Variants in WDFY4 observed in about 807,000 individuals in gnomAD.
WDFY4 encodes WD repeat- and FYVE domain-containing protein 4.
In WDFY4, 169 loss-of-function variants were observed where a neutral mutation model predicts 351.9. The observed-to-expected ratio is 0.48, with a 90% confidence interval of 0.42 to 0.55. The LOEUF is 0.55. Among genes scored for constraint, WDFY4 ranks in the 20% least tolerant of loss-of-function variants. The pLI, the probability that WDFY4 is intolerant of heterozygous loss-of-function variation, is 0.00. For synonymous variants in WDFY4, 1,622 were observed against 1,574.6 expected (o/e 1.03, Z -0.71); for missense variants, 3,803 against 3,935.6 (o/e 0.97, Z 0.90).
chr10:48,825,557 C>A (rs1293224094), intron 35 of WDFY4, among the ~76,000 whole-genome samples: 1 of 152,174 alleles, frequency 6.6e-6, no homozygotes, highest in African/African-American at 2.4e-5. Context: ...GATGGTTGAA[C>A]AAATTTACAT....
chr10:48,976,280 G>T (rs185178645), intron 58 of WDFY4, among the ~76,000 whole-genome samples: 1 of 152,376 alleles, frequency 6.6e-6, no homozygotes, highest in African/African-American at 2.4e-5. Context: ...AGACTCAAAT[G>T]TGAGCATATC....
chr10:48,869,882 A>G (rs2133265364), intron 40 of WDFY4, among the ~76,000 whole-genome samples: 1 of 152,262 alleles, frequency 6.6e-6, no homozygotes, highest in South Asian at 2.1e-4. Context: ...TCGAGTATTT[A>G]TCACAGCTCT....
Position 48,753,036 on chromosome 10 carries a change from C to A in WDFY4, c.2460-7311C>A, listed in dbSNP as rs965095383. On this transcript the variant is annotated intron_variant, in intron 12 of 61. Coordinates refer to ENST00000325239, the MANE Select transcript of WDFY4 (RefSeq NM_001394531.1). ...TCCACAGGCTTGCCAATATTTATTT[C>A]CCTTTAAAAAATTTTTTAGCCATTC... 7.2e-5 allele frequency among the ~76,000 whole-genome samples: 11 copies of A among 151,850 alleles called. No individual in the cohort carries two copies. In the East Asian group the frequency reaches 2.1e-3, roughly 29 times the overall value.
chr10:48,764,925 G>T (rs553184499), intron 13 of WDFY4, among the ~76,000 whole-genome samples: 17 of 152,206 alleles, frequency 1.1e-4, no homozygotes, highest in Admixed American at 7.2e-4. Flanking sequence ...GACTCAGAGA[G>T]GTGGAACACC....
At chr10:48,790,951 C>T in intron 23 of WDFY4, 34 bp downstream of exon 23, 1 of 1,548,266 alleles carries the variant, frequency 6.5e-7, no homozygotes, top group Non-Finnish European at 8.7e-7. Context: ...ACTGAGACTC[C>T]TGAAAGGGCT....
Position 48,789,934 on chromosome 10 carries a change from C to T in WDFY4, c.4015C>T (p.His1339Tyr), listed in dbSNP as rs2066622630. Reference protein sequence around the residue: ...PVFLLRNCAGHLSGSLRTIGA... With the variant: ...PVFLLRNCAGYLSGSLRTIGA... ...GTTCTTGCTGAGGAATTGTGCTGGCCACCTGTCAGGGTCTCTGCGGACCAT... is the reference window on the plus strand; with the variant it reads ...GTTCTTGCTGAGGAATTGTGCTGGCTACCTGTCAGGGTCTCTGCGGACCAT... The change falls in exon 22 of 62, where the codon CAC becomes TAC. Residue 1339 changes from histidine to tyrosine, a missense_variant. Physicochemically the swap from His to Tyr is moderately conservative, Grantham distance 83. Transcript: ENST00000325239. 1 of 1,552,418 alleles carries T rather than the reference C, an allele frequency of 6.4e-7. No homozygotes were observed. The highest frequency in any genetic ancestry group is 2.4e-5 in the East Asian group (1 of 40,930).
chr10:48,704,677 A>G (rs1334172675), intron 1 of WDFY4, among the ~76,000 whole-genome samples: 1 of 152,134 alleles, frequency 6.6e-6, no homozygotes, highest in Non-Finnish European at 1.5e-5. Flanking sequence ...GCCTGTGTGC[A>G]CTGCTGGGGG....
At chr10:48,773,195 T>G (rs191377118) in intron 13 of WDFY4, among the ~76,000 whole-genome samples, 231 of 152,284 alleles carry the variant, frequency 1.5e-3, no homozygotes, top group African/African-American at 5.3e-3. Flanking sequence ...ACACTGTTGG[T>G]GGGACTGTAA....
chr10:48,955,827 A>G (rs1302286090), intron 51 of WDFY4, among the ~76,000 whole-genome samples: 1 of 152,184 alleles, frequency 6.6e-6, no homozygotes, highest in Non-Finnish European at 1.5e-5. Flanking sequence ...CCCTCTGAGC[A>G]GGGAAGGGAG....
chr10:48,873,942 G>A (rs1170207738), intron 41 of WDFY4, among the ~76,000 whole-genome samples: 2 of 152,202 alleles, frequency 1.3e-5, no homozygotes, highest in East Asian at 3.9e-4. Context: ...ATTGAGTGTT[G>A]AGTGGTGAGT....
intron 60 of WDFY4, 47 bp from the exon 61 acceptor site, chr10:48,981,320 C>G: frequency 6.6e-7 from 1 of 1,523,926 alleles, no homozygotes; most frequent in Non-Finnish European, 8.9e-7. Context: ...ACTGTATGTG[C>G]GAAGCCGATC....
chr10:48,914,782 A>G (rs2377650), intron 47 of WDFY4, among the ~76,000 whole-genome samples: 23,138 of 152,150 alleles, frequency 0.15, 2,036 homozygotes, highest in African/African-American at 0.22. Context: ...GTAGCCATGC[A>G]GAAAAGCCTG....
intron 57 of WDFY4, among the ~76,000 whole-genome samples, chr10:48,970,964 CT>C (rs1443245588): frequency 6.6e-6 from 1 of 152,114 alleles, no homozygotes; most frequent in African/African-American, 2.4e-5. Context: ...CACCAAGGCC[CT>C]TCTGTATACT....
At chr10:48,772,424 T>C (rs1049796115) in intron 13 of WDFY4, among the ~76,000 whole-genome samples, 15 of 150,590 alleles carry the variant, frequency 1.0e-4, no homozygotes, top group Non-Finnish European at 1.6e-4. Context: ...TGTATGTAAG[T>C]AGGGGGCATG....
At position 48,974,519 on chromosome 10, in the gene WDFY4, A is replaced by AAAAAAAAAACAAC. The variant is rs1554824239; in HGVS notation, c.8929-334_8929-333insCAACAAAAAAAAA. Among the ~76,000 whole-genome samples the AAAAAAAAAACAAC allele has an allele frequency of 9.0e-3, 448 of 49,954 alleles. 154 individuals are homozygous for AAAAAAAAAACAAC. Among genetic ancestry groups the AAAAAAAAAACAAC allele is most frequent in the East Asian group, 0.076 (98 of 1,286 alleles). The allele number at this position is 49,954 out of a possible 152,430, so 32.8% of individuals were successfully genotyped here. A position where few individuals can be genotyped will look rare whatever the true frequency, so the allele number is the denominator to read the frequency against. The stretch of plus-strand genomic sequence containing the variant: ...CTCCGTCTCAAAAAAAAAAAAAAAA[A>AAAAAAAAAACAAC]AAAAAAAAAACAACTCATGACATGA... On this transcript the variant is annotated intron_variant, in intron 57 of 61. Coordinates refer to ENST00000325239, the MANE Select transcript of WDFY4 (RefSeq NM_001394531.1).
chr10:48,953,333 T>TCTCTCACACACACACA (rs771339557), intron 51 of WDFY4, among the ~76,000 whole-genome samples: 17 of 128,130 alleles, frequency 1.3e-4, no homozygotes, highest in African/African-American at 4.2e-4. Context: ...TCTCTCTCTC[T>TCTCTCACACACACACA]CACACACACA....
chr10:48,820,494 C>G, intron 33 of WDFY4, 57 bp downstream of exon 33: 2 of 1,522,024 alleles, frequency 1.3e-6, no homozygotes, highest in South Asian at 1.2e-5. Flanking sequence ...GGCATACCGG[C>G]ACTGCAAGGG....
intron 47 of WDFY4, among the ~76,000 whole-genome samples, chr10:48,932,332 G>T (rs1840064589): frequency 6.6e-6 from 1 of 152,190 alleles, no homozygotes; most frequent in Non-Finnish European, 1.5e-5. Flanking sequence ...AATCTCAGAT[G>T]GAGGAGTTGG....
intron 30 of WDFY4, 121 bp from the exon 31 acceptor site, chr10:48,813,836 G>A: frequency 8.3e-7 from 1 of 1,210,600 alleles, no homozygotes; most frequent in South Asian, 1.9e-5. Flanking sequence ...CACCTAGGCT[G>A]CCAGTGTGCT....
Sources: allele counts gnomAD v4.1 joint callset (sites outside exome capture counted in the v4.1 genomes callset), GRCh38; gene constraint gnomAD v4.1.1; transcripts MANE v1.5; gene names NCBI Gene and HGNC (gene_info 2026-07-23, HGNC 2026-07-21).